Variants in PPM1B observed in about 807,000 individuals in gnomAD.
PPM1B encodes protein phosphatase, Mg2+/Mn2+ dependent 1B.
A neutral mutation model predicts 43.0 loss-of-function variants in PPM1B; 22 were observed. The ratio of observed to expected loss-of-function variants is 0.51; its 90% CI spans 0.37 to 0.73. The LOEUF is 0.73. Ranked by LOEUF, PPM1B falls within the 30% of genes least tolerant of loss-of-function variation. PPM1B has a pLI of 0.00. For missense variants in PPM1B, 632 were observed against 584.2 expected, an observed-to-expected ratio of 1.08 and a Z score of -0.84; for synonymous variants, 217 against 197.9, an observed-to-expected ratio of 1.10 and a Z score of -0.81.
chr2:44,243,176 C>T (rs1008895682), intron 5 of PPM1B, among the ~76,000 whole-genome samples: 1 of 152,116 alleles, frequency 6.6e-6, no homozygotes, highest in Non-Finnish European at 1.5e-5. Flanking sequence ...ATGATTGGAG[C>T]GGTACTAGAG....
At chr2:44,230,022 C>A in intron 5 of PPM1B, 1 of 1,591,626 alleles carries the variant, frequency 6.3e-7, no homozygotes, top group Non-Finnish European at 8.6e-7. Context: ...GTTCTGATGG[C>A]CTGCTTTTCT....
chr2:44,225,976 C>CTTT (rs36013751), intron 5 of PPM1B, among the ~76,000 whole-genome samples: 1 of 132,704 alleles, frequency 7.5e-6, no homozygotes, highest in Admixed American at 7.6e-5. Flanking sequence ...TTTAGTATGT[C>CTTT]TTTTTTTTTT....
intron 1 of PPM1B, among the ~76,000 whole-genome samples, chr2:44,183,466 C>G (rs998555193): frequency 1.4e-4 from 21 of 152,174 alleles, no homozygotes; most frequent in African/African-American, 4.6e-4. Flanking sequence ...TCTCCAGAAT[C>G]AAGTACAGCT....
chr2:44,184,606 C>T (rs1449075371), intron 1 of PPM1B, among the ~76,000 whole-genome samples: 1 of 152,046 alleles, frequency 6.6e-6, no homozygotes, highest in African/African-American at 2.4e-5. Context: ...GCAGTATCTC[C>T]ACTGGACATA....
chr2:44,217,724 T>G, intron 3 of PPM1B: 1 of 254,380 alleles, frequency 3.9e-6, no homozygotes, highest in Non-Finnish European at 7.4e-6. Flanking sequence ...TTGCTTTTTA[T>G]GAATAATGCT....
intron 2 of PPM1B, among the ~76,000 whole-genome samples, chr2:44,205,343 G>C (rs886067662): frequency 1.0e-4 from 15 of 148,442 alleles, no homozygotes; most frequent in Non-Finnish European, 1.8e-4. Flanking sequence ...GTGGGTGTGG[G>C]TGTGGGTGTG....
intron 1 of PPM1B, among the ~76,000 whole-genome samples, chr2:44,173,248 ATGATGT>A (rs1286640974): frequency 6.6e-6 from 1 of 152,256 alleles, no homozygotes; most frequent in Non-Finnish European, 1.5e-5. Context: ...TAAATTCTTG[ATGATGT>A]TACAAAATTT....
At chr2:44,212,188 C>G (rs1669502999) in intron 3 of PPM1B, among the ~76,000 whole-genome samples, 1 of 152,194 alleles carries the variant, frequency 6.6e-6, no homozygotes, top group Non-Finnish European at 1.5e-5. Flanking sequence ...ATGAGAGCCT[C>G]TTAAAACTTG....
At chr2:44,234,316 C>A, downstream of PPM1B, 1 of 720,372 alleles carries the variant, frequency 1.4e-6, no homozygotes, top group Non-Finnish European at 1.7e-6. Flanking sequence ...GTCAAGAGAT[C>A]GTGACCATCC....
At chr2:44,240,096 C>T (rs1292342549) in intron 5 of PPM1B, among the ~76,000 whole-genome samples, 1 of 145,262 alleles carries the variant, frequency 6.9e-6, no homozygotes, top group Non-Finnish European at 1.5e-5. Flanking sequence ...CAGCATCGAA[C>T]TCCTGTCCTC....
chr2:44,234,217 C>T (rs929897259), downstream of PPM1B: 11 of 983,306 alleles, frequency 1.1e-5, no homozygotes, highest in African/African-American at 5.2e-5. Context: ...TATTTATACT[C>T]CTTTTAAAAA....
At chr2:44,237,049 A>G (rs749517249), downstream of PPM1B, among the ~76,000 whole-genome samples, 6 of 152,252 alleles carry the variant, frequency 3.9e-5, no homozygotes, top group Non-Finnish European at 7.3e-5. Context: ...GATGAATTCA[A>G]GCAATGATTT....
At chr2:44,243,099 T>G (rs1670784696) in intron 5 of PPM1B, among the ~76,000 whole-genome samples, 1 of 152,204 alleles carries the variant, frequency 6.6e-6, no homozygotes, top group African/African-American at 2.4e-5. Flanking sequence ...GAGCTTTTTC[T>G]TACACAATAA....
chr2:44,190,099 C>G (rs1361099746), intron 1 of PPM1B, among the ~76,000 whole-genome samples: 4 of 150,904 alleles, frequency 2.7e-5, no homozygotes, highest in Non-Finnish European at 4.4e-5. Context: ...TTATTTGATA[C>G]TAGTAGAGTG....
chr2:44,224,455 CAAA>C (rs75767532), intron 5 of PPM1B, among the ~76,000 whole-genome samples: 39 of 84,634 alleles, frequency 4.6e-4, no homozygotes, highest in Non-Finnish European at 4.4e-4. Flanking sequence ...ACTCCGTCTC[CAAA>C]AAAAAAAAAA....
intron 5 of PPM1B, among the ~76,000 whole-genome samples, chr2:44,223,056 T>C (rs569340122): frequency 6.6e-6 from 1 of 152,296 alleles, no homozygotes; most frequent in Admixed American, 6.5e-5. Flanking sequence ...AGTCTTGAAC[T>C]CCTGGGCTCA....
At chr2:44,234,336 C>T (rs1321562700), downstream of PPM1B, 20 of 599,100 alleles carry the variant, frequency 3.3e-5, no homozygotes, top group Non-Finnish European at 4.0e-5. Flanking sequence ...CTGGCCAACA[C>T]GGTGAAACCC....
intron 5 of PPM1B, chr2:44,218,947 C>A (rs919217196): frequency 2.2e-6 from 1 of 444,898 alleles, no homozygotes; most frequent in Non-Finnish European, 4.5e-6. Context: ...ATAACTAGAC[C>A]TTTCAGTACC....
intron 1 of PPM1B, among the ~76,000 whole-genome samples, chr2:44,188,715 TTTCC>T (rs1156418924): frequency 7.3e-4 from 104 of 142,354 alleles, no homozygotes; most frequent in African/African-American, 1.8e-3. Flanking sequence ...GCCTGCCTGC[TTTCC>T]TTCCTTCCTT....
Sources: gnomAD v4.1 joint callset for allele counts (sites outside exome capture counted in the v4.1 genomes callset) on GRCh38, gnomAD v4.1.1 for gene constraint, MANE v1.5 for transcripts, NCBI Gene and HGNC (gene_info 2026-07-23, HGNC 2026-07-21) for gene names.